The following FAM169A variants were observed in gnomAD, a reference collection of about 807,000 sequenced individuals.
The protein encoded by FAM169A is soluble lamin-associated protein of 75 kDa.
In FAM169A, 24 loss-of-function variants were observed where a neutral mutation model predicts 75.7. The ratio of observed to expected loss-of-function variants is 0.32; its 90% CI spans 0.23 to 0.45. The LOEUF (loss-of-function observed/expected upper bound fraction) is 0.45. FAM169A is among the 20% of genes least tolerant of loss of function. The probability of loss-of-function intolerance (pLI) is 1.00; values close to 1 mark genes in which losing one functional copy is unlikely to be tolerated. For synonymous variants in FAM169A, 271 were observed against 271.0 expected (o/e 1.00, Z 0.00); for missense variants, 673 against 784.0 (o/e 0.86, Z 1.69).
intron 5 of FAM169A, among the ~76,000 whole-genome samples, chr5:74,824,091 C>T (rs1347292244): frequency 6.6e-6 from 1 of 152,098 alleles, no homozygotes; most frequent in Non-Finnish European, 1.5e-5. Flanking sequence ...TTACAAATCA[C>T]CTCAAATGAA....
At chr5:74,798,020 G>T (rs1019244282) in intron 10 of FAM169A, among the ~76,000 whole-genome samples, 1 of 152,190 alleles carries the variant, frequency 6.6e-6, no homozygotes. Context: ...CATAGTTGGT[G>T]GACCTTTACA....
intron 5 of FAM169A, among the ~76,000 whole-genome samples, chr5:74,825,000 T>C (rs1158047433): frequency 6.6e-6 from 1 of 152,138 alleles, no homozygotes; most frequent in East Asian, 1.9e-4. Flanking sequence ...TAATTTGTGA[T>C]TTGTTAGATC....
Position 74,805,303 on chromosome 5 carries a change from A to G in FAM169A, c.671-19T>C. On this transcript the variant is annotated intron_variant, in intron 6 of 12. Coordinates refer to ENST00000687041, the MANE Select transcript of FAM169A (RefSeq NM_001376049.1). ...TTGCAAGCTGAAAAACACATTTAGA[A>G]TTTTCTAGAAATCCCAAATATCCAC... The G allele has an allele frequency of 6.2e-7, 1 of 1,605,614 alleles. No homozygotes were observed. The highest frequency in any genetic ancestry group is 8.5e-7 in the Non-Finnish European group (1 of 1,177,274).
At chr5:74,804,003 T>C (rs774477025) in intron 8 of FAM169A, among the ~76,000 whole-genome samples, 9 of 152,108 alleles carry the variant, frequency 5.9e-5, no homozygotes, top group Non-Finnish European at 1.3e-4. Flanking sequence ...TTACATAAAA[T>C]AGATAATAGA....
At chr5:74,810,819 CTTTT>C (rs59139246) in intron 6 of FAM169A, among the ~76,000 whole-genome samples, 5 of 115,204 alleles carry the variant, frequency 4.3e-5, no homozygotes, top group African/African-American at 7.0e-5. Context: ...GATATTTGCC[CTTTT>C]TTTTTTTTTT....
chr5:74,845,194 A>C (rs1749088350), intron 1 of FAM169A, among the ~76,000 whole-genome samples: 1 of 152,174 alleles, frequency 6.6e-6, no homozygotes, highest in African/African-American at 2.4e-5. Flanking sequence ...TTTTTACCCT[A>C]ATCTGAAAGT....
Position 74,787,507 on chromosome 5 carries a change from C to T in FAM169A, c.1261-4373G>A, listed in dbSNP as rs138330347. 4.6e-5 allele frequency among the ~76,000 whole-genome samples: 7 copies of T among 152,196 alleles called. No homozygotes were observed. The South Asian group carries it at 8.3e-4, about 18-fold the overall frequency. ...AGATATACCCTTGACCGATGCTTTG[C>T]GAAAGAGATTTGTGAGGGCAGCATG... On this transcript the variant is annotated intron_variant, in intron 11 of 12. Transcript: ENST00000687041.
chr5:74,861,056 G>A lies in FAM169A; in HGVS notation c.-4+5109C>T, dbSNP rs142859470. Among the ~76,000 whole-genome samples the A allele has an allele frequency of 4.7e-3, 709 of 152,244 alleles. 10 individuals are homozygous for A. Among genetic ancestry groups the A allele is most frequent in the African/African-American group, 0.016 (666 of 41,552 alleles). On this transcript the variant is annotated intron_variant, in intron 1 of 12. Transcript: ENST00000687041. ...GGGGGCTGAGACAGGAGAATCCCTTGAACCCAAGAGGCTGACCTTGCGGTG... is the reference window on the plus strand; with the variant it reads ...GGGGGCTGAGACAGGAGAATCCCTTAAACCCAAGAGGCTGACCTTGCGGTG...
chr5:74,778,320 G>A lies in FAM169A; in HGVS notation c.*3140C>T, dbSNP rs1033565857. ...TGTACATTAAGATCTGTTTCAGTTT[G>A]CTGGTGTGACCAAACCTTAGAAGGT... On this transcript the variant is annotated 3_prime_UTR_variant, in exon 13 of 13. Coordinates refer to ENST00000687041, the MANE Select transcript of FAM169A (RefSeq NM_001376049.1). 6.6e-6 allele frequency: 1 copy of A among 152,028 alleles called. No homozygotes were observed. Among genetic ancestry groups the A allele is most frequent in the African/African-American group, 2.4e-5 (1 of 41,438 alleles). 9.4% of individuals were successfully genotyped at this position (152,028 alleles called of 1,614,324 possible). A position where few individuals can be genotyped will look rare whatever the true frequency, so the allele number is the denominator to read the frequency against.
At chr5:74,848,280 A>C (rs1028220140) in intron 1 of FAM169A, among the ~76,000 whole-genome samples, 12 of 152,122 alleles carry the variant, frequency 7.9e-5, no homozygotes, top group Non-Finnish European at 1.5e-4. Flanking sequence ...AGAGACTGTC[A>C]CATTTACTAT....
chr5:74,858,486 A>G (rs1749840062), intron 1 of FAM169A, among the ~76,000 whole-genome samples: 1 of 152,210 alleles, frequency 6.6e-6, no homozygotes, highest in African/African-American at 2.4e-5. Flanking sequence ...CAAAGTAAGA[A>G]AAACCGAATA....
chr5:74,841,086 C>T (rs1205585091), intron 2 of FAM169A, among the ~76,000 whole-genome samples: 1 of 152,078 alleles, frequency 6.6e-6, no homozygotes, highest in Non-Finnish European at 1.5e-5. Context: ...CACAGTGAAA[C>T]CCTAATGGTT....
chr5:74,846,208 T>C (rs2112693685), intron 1 of FAM169A, among the ~76,000 whole-genome samples: 1 of 152,346 alleles, frequency 6.6e-6, no homozygotes, highest in East Asian at 1.9e-4. Flanking sequence ...AGTATTCTCC[T>C]TAAATCAATT....
At position 74,805,252 on chromosome 5, in the gene FAM169A, C is replaced by T. The variant is rs1199244985; in HGVS notation, c.703G>A (p.Asp235Asn). Residue 235 changes from aspartate (D) to asparagine (N), a missense_variant, in exon 7 of 13, where the codon GAC becomes AAC. By Grantham distance (23) the Asp-to-Asn change is conservative (BLOSUM62 1). Coordinates refer to ENST00000687041, the MANE Select transcript of FAM169A (RefSeq NM_001376049.1). ...TCAACTTCCCAAAGGAGTTCATGGT[C>T]TCCTGGATACTTCTCAAAGTATTGC... ...CKQYFEKYPG[D>N]HELLWEVEGV... The T allele has an allele frequency of 1.9e-6, 3 of 1,613,512 alleles. No homozygotes were observed. The highest frequency in any genetic ancestry group is 2.5e-6 in the Non-Finnish European group (3 of 1,179,698).
chr5:74,820,232 G>C (rs1170391729), intron 5 of FAM169A, among the ~76,000 whole-genome samples: 4 of 151,942 alleles, frequency 2.6e-5, no homozygotes, highest in Non-Finnish European at 5.9e-5. Flanking sequence ...CTAACCTCAG[G>C]TGATCCACCC....
intron 10 of FAM169A, chr5:74,799,825 G>A: frequency 9.4e-7 from 1 of 1,068,320 alleles, no homozygotes; most frequent in Non-Finnish European, 1.5e-6. Flanking sequence ...GATGACCGTG[G>A]CTGCCTGACC....
At chr5:74,795,517 G>C (rs1346526898) in intron 11 of FAM169A, among the ~76,000 whole-genome samples, 2 of 150,048 alleles carry the variant, frequency 1.3e-5, no homozygotes, top group Non-Finnish European at 2.9e-5. Flanking sequence ...GTTACCAAGG[G>C]TTTATATATT....
At position 74,801,038 on chromosome 5, in the gene FAM169A, G is replaced by C. The variant is rs368905301; in HGVS notation, c.953-8C>G. ...CAGATGTTTTATCATGACCTGAGGA[G>C]AAAAACAGCAAAACTGCACTTAATT... On this transcript the variant is annotated splice_region_variant and splice_polypyrimidine_tract_variant and intron_variant, in intron 9 of 12. Coordinates refer to ENST00000687041, the MANE Select transcript of FAM169A (RefSeq NM_001376049.1). 8 of 1,524,064 alleles carry C rather than the reference G, an allele frequency of 5.2e-6. No homozygotes were observed. The African/African-American group carries it at 9.9e-5, about 19-fold the overall frequency. The allele number at this position is 1,524,064 out of a possible 1,614,324, so 94.4% of individuals were successfully genotyped here. A position where few individuals can be genotyped will look rare whatever the true frequency, so the allele number is the denominator to read the frequency against.
At position 74,799,132 on chromosome 5, in the gene FAM169A, G is replaced by A. The variant is rs1291302587; in HGVS notation, c.1103+1748C>T. On this transcript the variant is annotated intron_variant, in intron 10 of 12. Coordinates refer to ENST00000687041, the MANE Select transcript of FAM169A (RefSeq NM_001376049.1). ...TGGGCGCCAGTGTGTGAAAGCTCAC[G>A]AACTCAAGGAGCACAATGGACACAT... is the stretch of plus-strand genomic sequence containing the variant. 7.9e-6 allele frequency: 8 copies of A among 1,009,048 alleles called. No homozygotes were observed. The Middle Eastern group carries it at 6.3e-4, about 80-fold the overall frequency. The allele number at this position is 1,009,048 out of a possible 1,614,324, so 62.5% of individuals were successfully genotyped here.
Sources: gnomAD v4.1 joint callset for allele counts (sites outside exome capture counted in the v4.1 genomes callset) on GRCh38, gnomAD v4.1.1 for gene constraint, MANE v1.5 for transcripts, NCBI Gene and HGNC (gene_info 2026-07-23, HGNC 2026-07-21) for gene names.